Variants in CCSER1 observed in about 807,000 individuals in gnomAD.
CCSER1 encodes serine-rich coiled-coil domain-containing protein 1.
CCSER1 carries 41 observed loss-of-function variants against 82.0 expected under a neutral mutation model. The observed-to-expected ratio is 0.50, with a 90% CI of 0.39 to 0.65. CCSER1 has a LOEUF of 0.65. CCSER1 is among the 30% of genes least tolerant of loss of function. The pLI is 0.00. For synonymous variants in CCSER1, 414 were observed against 383.9 expected (o/e 1.08, Z -0.92); for missense variants, 1,119 against 1,064.2 (o/e 1.05, Z -0.72).
intron 10 of CCSER1, among the ~76,000 whole-genome samples, chr4:91,374,005 A>G (rs913453854): frequency 2.6e-5 from 4 of 152,202 alleles, no homozygotes; most frequent in Non-Finnish European, 5.9e-5. Context: ...ACTGTCTTCA[A>G]TTTTATGAAG....
chr4:91,156,929 C>CA lies in CCSER1; in HGVS notation c.2217+70942dup, dbSNP rs1410612914. On this transcript the variant is annotated intron_variant, in intron 10 of 10. Transcript: ENST00000509176. ...CATACTCTTATAGCAGTGATACTTA[C>CA]AAAAAAAGAAATCCTTCCATCTCTA... Among the ~76,000 whole-genome samples the CA allele has an allele frequency of 6.6e-5, 10 of 151,746 alleles. 1 individual carries two copies. The highest frequency in any genetic ancestry group is 1.3e-4 in the Non-Finnish European group (9 of 67,824).
intron 5 of CCSER1, among the ~76,000 whole-genome samples, chr4:90,625,823 C>G (rs1351664433): frequency 6.6e-6 from 1 of 152,062 alleles, no homozygotes; most frequent in African/African-American, 2.4e-5. Flanking sequence ...ATTTTATTTT[C>G]AAAATGCATT....
intron 5 of CCSER1, among the ~76,000 whole-genome samples, chr4:90,625,178 C>A (rs562153928): frequency 1.3e-5 from 2 of 152,258 alleles, no homozygotes; most frequent in African/African-American, 4.8e-5. Flanking sequence ...GAATCTTTTT[C>A]TCCCCTCACC....
chr4:90,663,826 G>T, intron 6 of CCSER1: 2 of 330,112 alleles, frequency 6.1e-6, no homozygotes, highest in Non-Finnish European at 1.3e-5. Flanking sequence ...GAGTAATTGT[G>T]TGTTATTGTT....
rs1402416139 is a variant in CCSER1, at chr4:90,747,834, G to A, written c.2010+23843G>A. ...CACTCCACAACAGTCCCCAGAGTGT[G>A]ATGTTCCCCTTCCTGTGTCCATGTG... is the stretch of plus-strand genomic sequence containing the variant. On this transcript the variant is annotated intron_variant, in intron 7 of 10. Coordinates refer to ENST00000509176, the MANE Select transcript of CCSER1 (RefSeq NM_001145065.2). Among the ~76,000 whole-genome samples the A allele has an allele frequency of 7.7e-5, 10 of 129,912 alleles. No homozygotes were observed. The Admixed American group carries it at 8.5e-4, about 11-fold the overall frequency. 85.2% of individuals were successfully genotyped at this position (129,912 alleles called of 152,430 possible). A position where few individuals can be genotyped will look rare whatever the true frequency, so the allele number is the denominator to read the frequency against.
chr4:90,610,410 A>C (rs1476432526), intron 5 of CCSER1, among the ~76,000 whole-genome samples: 1 of 152,146 alleles, frequency 6.6e-6, no homozygotes, highest in East Asian at 1.9e-4. Context: ...CTTGTCTTAA[A>C]CATGTGAGAA....
At chr4:91,032,426 C>T (rs1163655142) in intron 9 of CCSER1, among the ~76,000 whole-genome samples, 7 of 152,092 alleles carry the variant, frequency 4.6e-5, no homozygotes, top group Non-Finnish European at 8.8e-5. Flanking sequence ...AAAAAGGAAA[C>T]GATGTACATC....
intron 1 of CCSER1, among the ~76,000 whole-genome samples, chr4:90,278,641 A>G (rs1728318868): frequency 6.6e-6 from 1 of 151,976 alleles, no homozygotes; most frequent in African/African-American, 2.4e-5. Flanking sequence ...ACATGGACAT[A>G]AAGATGGGAA....
At chr4:90,693,974 T>G (rs929379221) in intron 6 of CCSER1, among the ~76,000 whole-genome samples, 5 of 151,894 alleles carry the variant, frequency 3.3e-5, no homozygotes, top group African/African-American at 1.2e-4. Flanking sequence ...CAGTTTATAA[T>G]TTAGTTGTCA....
chr4:90,625,159 A>G (rs1000947509), intron 5 of CCSER1, among the ~76,000 whole-genome samples: 8 of 152,186 alleles, frequency 5.3e-5, no homozygotes, highest in African/African-American at 1.7e-4. Context: ...CAAGAACAGA[A>G]GAGCACCTGA....
intron 1 of CCSER1, among the ~76,000 whole-genome samples, chr4:90,243,062 CT>C (rs745465024): frequency 2.4e-3 from 308 of 126,972 alleles, no homozygotes; most frequent in South Asian, 4.9e-3. Context: ...CTCTCTCTCT[CT>C]TTTTTTTTTT....
chr4:91,374,344 A>G (rs376626906), intron 10 of CCSER1, among the ~76,000 whole-genome samples: 126 of 152,334 alleles, frequency 8.3e-4, no homozygotes, highest in African/African-American at 3.0e-3. Context: ...AGGCTAACGC[A>G]GCTGGTAACT....
chr4:91,560,419 G>T (rs1245656739), intron 10 of CCSER1, among the ~76,000 whole-genome samples: 3 of 151,324 alleles, frequency 2.0e-5, no homozygotes, highest in Non-Finnish European at 3.0e-5. Context: ...TTGACTAAAT[G>T]GATTATCCCA....
intron 1 of CCSER1, among the ~76,000 whole-genome samples, chr4:90,206,295 G>A (rs1738821155): frequency 6.6e-6 from 1 of 152,092 alleles, no homozygotes; most frequent in Admixed American, 6.6e-5. Flanking sequence ...ATGTTAGGGT[G>A]TCAATTTTAG....
chr4:90,884,733 GACTTAGTGTAAACT>G (rs1721864523), intron 8 of CCSER1, among the ~76,000 whole-genome samples: 1 of 152,090 alleles, frequency 6.6e-6, no homozygotes, highest in African/African-American at 2.4e-5. Context: ...ATGTGGAACA[GACTTAGTGTAAACT>G]ACAATTTGTA....
At chr4:90,153,520 T>A (rs1727331730) in intron 1 of CCSER1, among the ~76,000 whole-genome samples, 1 of 152,088 alleles carries the variant, frequency 6.6e-6, no homozygotes, top group African/African-American at 2.4e-5. Context: ...AAAGTGTTCC[T>A]ATTTCTCCAC....
At chr4:90,298,007 A>G (rs1732323166) in intron 1 of CCSER1, among the ~76,000 whole-genome samples, 1 of 152,176 alleles carries the variant, frequency 6.6e-6, no homozygotes, top group Admixed American at 6.5e-5. Context: ...TGCTGGCCTC[A>G]TAAAATGAGT....
At chr4:90,818,263 T>C (rs1003873854) in intron 8 of CCSER1, among the ~76,000 whole-genome samples, 1 of 151,608 alleles carries the variant, frequency 6.6e-6, no homozygotes, top group Non-Finnish European at 1.5e-5. Context: ...AGAAATGTTT[T>C]TCTTTTCTTT....
intron 8 of CCSER1, among the ~76,000 whole-genome samples, chr4:90,902,248 G>T (rs1279511019): frequency 6.6e-6 from 1 of 151,390 alleles, no homozygotes; most frequent in Non-Finnish European, 1.5e-5. Flanking sequence ...GGATCACACT[G>T]AATTTCCTGG....
Sources: gnomAD v4.1 joint callset for allele counts (sites outside exome capture counted in the v4.1 genomes callset) on GRCh38, gnomAD v4.1.1 for gene constraint, MANE v1.5 for transcripts, NCBI Gene and HGNC (gene_info 2026-07-23, HGNC 2026-07-21) for gene names.